ADCY2: variants seen among roughly 807,000 people sequenced by gnomAD.
ADCY2 encodes adenylate cyclase type 2.
Under a neutral mutation model 125.2 loss-of-function variants are expected in ADCY2, and 31 were observed. The observed-to-expected ratio is 0.25, with a 90% CI of 0.19 to 0.33. ADCY2 has a LOEUF of 0.33. Ranked by LOEUF, ADCY2 falls within the 10% of genes least tolerant of loss-of-function variation. The pLI, the probability that ADCY2 is intolerant of heterozygous loss-of-function variation, is 1.00. For synonymous variants in ADCY2, 512 were observed against 548.4 expected (o/e 0.93, Z 0.93); for missense variants, 904 against 1,418.2 (o/e 0.64, Z 5.82).
At chr5:7,695,295 C>T (rs1049227529) in intron 5 of ADCY2, among the ~76,000 whole-genome samples, 3 of 152,142 alleles carry the variant, frequency 2.0e-5, no homozygotes, top group East Asian at 1.9e-4. Flanking sequence ...AACACTGTCT[C>T]GTTTTCCTCT....
Position 7,666,073 on chromosome 5 carries a change from C to T in ADCY2, c.721-24618C>T, listed in dbSNP as rs548321924. Among the ~76,000 whole-genome samples the T allele has an allele frequency of 1.3e-4, 19 of 151,418 alleles. No homozygotes were observed. In the South Asian group the frequency reaches 2.7e-3, roughly 22 times the overall value. ...CAGGATGGTCTCGATCTCCTGACCT[C>T]GTGATCCGCCCGCCTTGGCCTCCCA... On this transcript the variant is annotated intron_variant, in intron 4 of 24. Transcript: ENST00000338316.
At chr5:7,778,996 C>T (rs538765397) in intron 18 of ADCY2, among the ~76,000 whole-genome samples, 152 of 152,280 alleles carry the variant, frequency 1.0e-3, no homozygotes, top group Admixed American at 3.5e-3. Flanking sequence ...AAAATATTTT[C>T]GATTCCTTTC....
intron 2 of ADCY2, among the ~76,000 whole-genome samples, chr5:7,417,102 T>G (rs185165029): frequency 6.0e-4 from 92 of 152,296 alleles, no homozygotes; most frequent in Non-Finnish European, 1.1e-3. Flanking sequence ...AAATATGCTC[T>G]TTTTGTGTTT....
chr5:7,727,578 C>A (rs78521957), intron 14 of ADCY2, among the ~76,000 whole-genome samples: 1 of 152,134 alleles, frequency 6.6e-6, no homozygotes, highest in Non-Finnish European at 1.5e-5. Flanking sequence ...ACTTTACCCA[C>A]AAAGAGTGCA....
At chr5:7,576,054 G>A (rs890004698) in intron 3 of ADCY2, among the ~76,000 whole-genome samples, 1 of 152,198 alleles carries the variant, frequency 6.6e-6, no homozygotes, top group African/African-American at 2.4e-5. Flanking sequence ...TGCTCTGGCT[G>A]GGTATGATGT....
In ADCY2 at chr5:7,805,715, G is replaced by C. The variant is rs553018097; in HGVS notation, c.2883+1023G>C. 1.3e-4 allele frequency among the ~76,000 whole-genome samples: 20 copies of C among 152,276 alleles called. No homozygotes were observed. In the East Asian group the frequency reaches 3.5e-3, roughly 26 times the overall value. ...CACCTCCCATGGGAAGAGTGAGAGT[G>C]GGGAGAGAGGCAGCAGGCACCATAA... On this transcript the variant is annotated intron_variant, in intron 22 of 24. Transcript: ENST00000338316.
chr5:7,536,031 C>A (rs1414585698), intron 3 of ADCY2, among the ~76,000 whole-genome samples: 1 of 152,228 alleles, frequency 6.6e-6, no homozygotes, highest in African/African-American at 2.4e-5. Context: ...TGGAAGTAAA[C>A]TGTCCTACAT....
intron 4 of ADCY2, among the ~76,000 whole-genome samples, chr5:7,671,552 CTA>C (rs1451920364): frequency 6.6e-6 from 1 of 152,148 alleles, no homozygotes; most frequent in African/African-American, 2.4e-5. Flanking sequence ...TTATTGTTCA[CTA>C]TGAGTGTGGT....
intron 2 of ADCY2, among the ~76,000 whole-genome samples, chr5:7,512,738 C>T (rs1381638926): frequency 2.0e-5 from 3 of 152,072 alleles, no homozygotes; most frequent in East Asian, 1.9e-4. Flanking sequence ...ATTAGGAGTT[C>T]GACCTTAGAG....
chr5:7,606,167 C>T (rs952246039), intron 3 of ADCY2, among the ~76,000 whole-genome samples: 3 of 151,934 alleles, frequency 2.0e-5, no homozygotes, highest in East Asian at 1.9e-4. Context: ...GTGTTGTTTA[C>T]GTGGATTTAT....
chr5:7,654,006 G>T (rs780848450), intron 4 of ADCY2: 2 of 455,124 alleles, frequency 4.4e-6, no homozygotes, highest in Middle Eastern at 3.3e-4. Context: ...GGAGCCACAC[G>T]TCTAGAGGTC....
chr5:7,731,537 G>A (rs1452613483), intron 14 of ADCY2, among the ~76,000 whole-genome samples: 4 of 151,968 alleles, frequency 2.6e-5, no homozygotes. Flanking sequence ...TTATAGGCAT[G>A]AGCCACCGCA....
At chr5:7,436,561 G>A (rs367633437) in intron 2 of ADCY2, among the ~76,000 whole-genome samples, 1 of 152,292 alleles carries the variant, frequency 6.6e-6, no homozygotes, top group East Asian at 1.9e-4. Context: ...TCCATGCCAA[G>A]GATTAAGGAA....
intron 3 of ADCY2, among the ~76,000 whole-genome samples, chr5:7,624,050 A>G (rs1735969802): frequency 6.6e-6 from 1 of 152,254 alleles, no homozygotes; most frequent in African/African-American, 2.4e-5. Context: ...TGAGTGAGTT[A>G]CATGGAACAG....
intron 7 of ADCY2, among the ~76,000 whole-genome samples, chr5:7,702,413 G>A (rs1463617254): frequency 2.5e-4 from 38 of 150,552 alleles, no homozygotes; most frequent in African/African-American, 8.1e-4. Flanking sequence ...GGTATGTGAT[G>A]TTCCCCTTCC....
intron 22 of ADCY2, among the ~76,000 whole-genome samples, chr5:7,811,531 T>C (rs920758342): frequency 6.6e-5 from 10 of 151,996 alleles, no homozygotes; most frequent in Non-Finnish European, 1.5e-4. Flanking sequence ...TCTGTGTTTT[T>C]GCTTTCTTTT....
At chr5:7,471,394 AT>A (rs1229240302) in intron 2 of ADCY2, among the ~76,000 whole-genome samples, 1 of 151,838 alleles carries the variant, frequency 6.6e-6, no homozygotes, top group African/African-American at 2.4e-5. Flanking sequence ...ATTTTGGCTT[AT>A]TATTTATACC....
intron 7 of ADCY2, among the ~76,000 whole-genome samples, chr5:7,702,013 C>T (rs2126338603): frequency 6.6e-6 from 1 of 152,270 alleles, no homozygotes; most frequent in South Asian, 2.1e-4. Flanking sequence ...GGCTTTGCGT[C>T]CCTGTTACCT....
At chr5:7,818,849 A>T (rs1400395255) in intron 23 of ADCY2, among the ~76,000 whole-genome samples, 1 of 151,888 alleles carries the variant, frequency 6.6e-6, no homozygotes, top group Non-Finnish European at 1.5e-5. Context: ...CTTTAAAATA[A>T]AAAAAAATGT....
Sources: allele counts gnomAD v4.1 joint callset (sites outside exome capture counted in the v4.1 genomes callset), GRCh38; gene constraint gnomAD v4.1.1; transcripts MANE v1.5; gene names NCBI Gene and HGNC (gene_info 2026-07-23, HGNC 2026-07-21).